ITPKB: variants seen among roughly 807,000 people sequenced by gnomAD.
The protein encoded by ITPKB is inositol-trisphosphate 3-kinase B.
A neutral mutation model predicts 69.4 loss-of-function variants in ITPKB; 13 were observed. The ratio of observed to expected loss-of-function variants is 0.19; its 90% CI spans 0.12 to 0.30. The LOEUF (loss-of-function observed/expected upper bound fraction) is 0.30. ITPKB is among the 10% of genes least tolerant of loss of function. The pLI is 1.00. For synonymous variants in ITPKB, 584 were observed against 513.7 expected (o/e 1.14, Z -1.85); for missense variants, 1,240 against 1,250.5 (o/e 0.99, Z 0.13).
At chr1:226,671,791 G>C (rs1484022550) in intron 2 of ITPKB, among the ~76,000 whole-genome samples, 1 of 152,218 alleles carries the variant, frequency 6.6e-6, no homozygotes, top group Non-Finnish European at 1.5e-5. Flanking sequence ...CACAGGCTTT[G>C]AGACAGGTGT....
intron 2 of ITPKB, among the ~76,000 whole-genome samples, chr1:226,649,954 CA>C (rs1401380212): frequency 1.3e-5 from 2 of 152,152 alleles, no homozygotes; most frequent in Non-Finnish European, 2.9e-5. Flanking sequence ...CACCCGTCCT[CA>C]GGGGGGCGAT....
intron 2 of ITPKB, among the ~76,000 whole-genome samples, chr1:226,693,317 C>A (rs1213531939): frequency 1.3e-5 from 2 of 152,208 alleles, no homozygotes; most frequent in African/African-American, 2.4e-5. Flanking sequence ...CTTCCTTTCC[C>A]TAGCTGGTCT....
rs1033407123 is a variant in ITPKB at position 226,686,007 on chromosome 1, C to A, written c.1933-37236G>T. Among the ~76,000 whole-genome samples the A allele has an allele frequency of 1.3e-5, 2 of 152,140 alleles. 1 individual carries two copies. The highest frequency in any genetic ancestry group is 3.9e-4 in the East Asian group (2 of 5,186). ...AGGAGGGGGATGATGAAGATTCCAA[C>A]CTGAGACATTATTGCAGAAAGCAAC... On this transcript the variant is annotated intron_variant, in intron 2 of 7. Coordinates refer to ENST00000429204, the MANE Select transcript of ITPKB (RefSeq NM_002221.4).
At chr1:226,662,465 T>TA (rs1346043914) in intron 2 of ITPKB, among the ~76,000 whole-genome samples, 1 of 152,260 alleles carries the variant, frequency 6.6e-6, no homozygotes, top group Non-Finnish European at 1.5e-5. Context: ...TTATACATTT[T>TA]AAAACCTTAG....
chr1:226,736,332 T>A lies in ITPKB; in HGVS notation c.1127A>T (p.Tyr376Phe). 1 of 1,612,426 alleles carries A rather than the reference T, an allele frequency of 6.2e-7. No individual in the cohort carries two copies. The change falls in exon 2 of 8, where the codon TAT becomes TTT. Residue 376 changes from tyrosine to phenylalanine, a missense_variant. Physicochemically the swap from Tyr to Phe is conservative, Grantham distance 22. Coordinates refer to ENST00000429204, the MANE Select transcript of ITPKB (RefSeq NM_002221.4). ...AGAGCCCGGCATGCCACAGGGCAGA[T>A]ATCCTTTCCCCATCTTCCCAGGGGG... ...GEPPGKMGKGYLPCGMPGSGE... is the reference protein window; with the variant it reads ...GEPPGKMGKGFLPCGMPGSGE...
chr1:226,671,666 G>A (rs1294767113), intron 2 of ITPKB, among the ~76,000 whole-genome samples: 1 of 152,214 alleles, frequency 6.6e-6, no homozygotes, highest in Non-Finnish European at 1.5e-5. Flanking sequence ...ACCCCAGGGA[G>A]GCGGGGAGAG....
intron 2 of ITPKB, among the ~76,000 whole-genome samples, chr1:226,690,344 T>G (rs1198162147): frequency 6.6e-6 from 1 of 152,174 alleles, no homozygotes; most frequent in Non-Finnish European, 1.5e-5. Context: ...CCCAAAATCC[T>G]CTTAGATGTA....
chr1:226,677,092 C>T (rs561781823), intron 2 of ITPKB, among the ~76,000 whole-genome samples: 8 of 152,186 alleles, frequency 5.3e-5, no homozygotes, highest in South Asian at 2.1e-4. Context: ...TTTGAAACGC[C>T]GTCCTAAGAT....
chr1:226,696,373 C>T (rs1470423299), intron 2 of ITPKB, among the ~76,000 whole-genome samples: 1 of 151,988 alleles, frequency 6.6e-6, no homozygotes, highest in Middle Eastern at 3.2e-3. Context: ...AGATGCTTGG[C>T]CCATAAAAGG....
At chr1:226,669,471 G>A (rs1461552574) in intron 2 of ITPKB, among the ~76,000 whole-genome samples, 3 of 151,974 alleles carry the variant, frequency 2.0e-5, no homozygotes, top group East Asian at 1.9e-4. Context: ...CAACAAGAAG[G>A]TCCTAAGAGA....
chr1:226,732,035 T>C (rs1279656932), intron 2 of ITPKB, among the ~76,000 whole-genome samples: 1 of 150,764 alleles, frequency 6.6e-6, no homozygotes, highest in African/African-American at 2.4e-5. Context: ...ACTGTTTGGA[T>C]TTTTTACTAT....
intron 2 of ITPKB, among the ~76,000 whole-genome samples, chr1:226,662,629 G>T (rs1189761316): frequency 2.0e-5 from 3 of 152,152 alleles, no homozygotes; most frequent in African/African-American, 7.2e-5. Context: ...TTTGGTTAAG[G>T]GGGTCATCCT....
rs898281335 is a variant in ITPKB at position 226,707,725 on chromosome 1, G to A, written c.1932+27802C>T. ...AAATTACAACTTCAAGGGACAGTAA[G>A]ACAATATCAAACTACAAACAAAATC... On this transcript the variant is annotated intron_variant, in intron 2 of 7. Coordinates refer to ENST00000429204, the MANE Select transcript of ITPKB (RefSeq NM_002221.4). 6 of 1,048,758 alleles carry A rather than the reference G, an allele frequency of 5.7e-6. No homozygotes were observed. The African/African-American group carries it at 1.0e-4, about 18-fold the overall frequency. The allele number at this position is 1,048,758 out of a possible 1,614,324, so 65.0% of individuals were successfully genotyped here.
intron 4 of ITPKB, among the ~76,000 whole-genome samples, chr1:226,644,480 G>A (rs908058102): frequency 3.9e-5 from 6 of 152,184 alleles, no homozygotes; most frequent in Non-Finnish European, 5.9e-5. Context: ...TGCTAGGGGC[G>A]GGCTCTCACC....
chr1:226,646,963 C>T (rs988617305), intron 4 of ITPKB, among the ~76,000 whole-genome samples: 26 of 152,330 alleles, frequency 1.7e-4, no homozygotes, highest in African/African-American at 5.0e-4. Flanking sequence ...AGGAAAGGGG[C>T]CATCATGGGC....
chr1:226,719,709 C>A (rs538808923), intron 2 of ITPKB, among the ~76,000 whole-genome samples: 1 of 152,362 alleles, frequency 6.6e-6, no homozygotes, highest in South Asian at 2.1e-4. Flanking sequence ...CCGTGCAGCT[C>A]CAGGCTGCCT....
chr1:226,701,622 A>AC (rs1206277042), intron 2 of ITPKB, among the ~76,000 whole-genome samples: 7 of 151,300 alleles, frequency 4.6e-5, no homozygotes, highest in East Asian at 1.9e-4. Context: ...AAAAAAAAAA[A>AC]AAAAAAAAAC....
At position 226,735,743 on chromosome 1, in the gene ITPKB, T is replaced by C. The variant is rs757200643; in HGVS notation, c.1716A>G (p.Thr572=). 3.1e-6 allele frequency: 5 copies of C among 1,591,022 alleles called. No individual in the cohort carries two copies. Among genetic ancestry groups the C allele is most frequent in the African/African-American group, 1.3e-5 (1 of 74,564 alleles). Residue 572 remains threonine (T), a synonymous_variant, in exon 2 of 8, where the codon ACA becomes ACG. Coordinates refer to ENST00000429204, the MANE Select transcript of ITPKB (RefSeq NM_002221.4). ...SPSNIPAVII[T]DMGTQEDGAL... Reference sequence around the variant, plus strand: ...CCCCATCCTCCTGGGTGCCCATGTCTGTAATGATGACAGCAGGTATGTTGC... The same window carrying C: ...CCCCATCCTCCTGGGTGCCCATGTCCGTAATGATGACAGCAGGTATGTTGC...
At position 226,634,629 on chromosome 1, in the gene ITPKB, G is replaced by A. The variant is rs1486206625; in HGVS notation, c.*42C>T. On this transcript the variant is annotated 3_prime_UTR_variant, in exon 8 of 8. Coordinates refer to ENST00000429204, the MANE Select transcript of ITPKB (RefSeq NM_002221.4). This position sits in a 1 kb window ranked among gnomAD's most constrained non-coding sequence, Gnocchi z 6.3. ...GAACGAGAAAGGAAGCACAGGAGGA[G>A]GAAAGGAGGCCCAGGCGGGGGCCAG... The A allele has an allele frequency of 2.6e-6, 2 of 754,994 alleles. No homozygotes were observed. Among genetic ancestry groups the A allele is most frequent in the Non-Finnish European group, 5.0e-6 (2 of 402,320 alleles). The allele number at this position is 754,994 out of a possible 1,614,324, so 46.8% of individuals were successfully genotyped here. A position where few individuals can be genotyped will look rare whatever the true frequency, so the allele number is the denominator to read the frequency against.
Sources: allele counts gnomAD v4.1 joint callset (sites outside exome capture counted in the v4.1 genomes callset), GRCh38; gene constraint gnomAD v4.1.1; non-coding constraint Gnocchi (gnomAD v3.1); transcripts MANE v1.5; gene names NCBI Gene and HGNC (gene_info 2026-07-23, HGNC 2026-07-21).